KLC1: variants seen among roughly 807,000 people sequenced by gnomAD.
KLC1 encodes kinesin light chain 1.
KLC1 carries 30 observed loss-of-function variants against 84.2 expected under a neutral mutation model. The ratio of observed to expected loss-of-function variants is 0.36; its 90% CI spans 0.27 to 0.48. The LOEUF (loss-of-function observed/expected upper bound fraction) is 0.48, where lower values mean the gene tolerates loss of function less well. Ranked by LOEUF, KLC1 falls within the 20% of genes least tolerant of loss-of-function variation. The pLI is 0.99. For missense variants in KLC1, 499 were observed against 805.4 expected, an observed-to-expected ratio of 0.62 and a Z score of 4.60; for synonymous variants, 289 against 293.3, an observed-to-expected ratio of 0.99 and a Z score of 0.15.
At chr14:103,665,309 C>A (rs1221337999) in intron 5 of KLC1, among the ~76,000 whole-genome samples, 1 of 152,036 alleles carries the variant, frequency 6.6e-6, no homozygotes, top group Non-Finnish European at 1.5e-5. Context: ...CCTTGACGTC[C>A]CAAAGTGCTG....
intron 1 of KLC1, among the ~76,000 whole-genome samples, chr14:103,635,308 T>A (rs2076966018): frequency 6.6e-6 from 1 of 152,220 alleles, no homozygotes; most frequent in Non-Finnish European, 1.5e-5. Flanking sequence ...ATCAGAGTGA[T>A]GTTTGCACTG....
At chr14:103,684,943 T>G in intron 13 of KLC1, 9 of 787,768 alleles carry the variant, frequency 1.1e-5, no homozygotes, top group Non-Finnish European at 2.0e-5. Context: ...CCTCCCCACA[T>G]TTTTGAGGTG....
Position 103,695,414 on chromosome 14 carries a change from C to G in KLC1, c.1848+2989C>G, listed in dbSNP as rs570361444. ...ATGGGTTGTGAGAAGCCAACCCCCC[C>G]CAAAAAAAGGGGGGTGTAGAGCAGC... On this transcript the variant is annotated intron_variant, in intron 15 of 16. Coordinates refer to ENST00000334553, the MANE Select transcript of KLC1 (RefSeq NM_001394837.1). 70 of 984,350 alleles carry G rather than the reference C, an allele frequency of 7.1e-5. 1 individual carries two copies. In the South Asian group the frequency reaches 2.4e-3, roughly 34 times the overall value. The allele number at this position is 984,350 out of a possible 1,614,324, so 61.0% of individuals were successfully genotyped here.
At chr14:103,643,350 T>G (rs2077637786) in intron 1 of KLC1, among the ~76,000 whole-genome samples, 1 of 152,170 alleles carries the variant, frequency 6.6e-6, no homozygotes, top group Admixed American at 6.6e-5. Context: ...GTGGTGGTGA[T>G]AATCTTACAG....
intron 14 of KLC1, among the ~76,000 whole-genome samples, chr14:103,688,863 T>C (rs1028430045): frequency 8.5e-5 from 13 of 152,164 alleles, no homozygotes; most frequent in African/African-American, 1.4e-4. Context: ...TAGCAGCAAA[T>C]TGCTTACAAT....
Sources: allele counts gnomAD v4.1 joint callset (sites outside exome capture counted in the v4.1 genomes callset), GRCh38; gene constraint gnomAD v4.1.1; transcripts MANE v1.5; gene names NCBI Gene and HGNC (gene_info 2026-07-23, HGNC 2026-07-21).